Variants in SATL1 observed in about 807,000 individuals in gnomAD.
The protein encoded by SATL1 is spermidine/spermine N(1)-acetyltransferase-like protein 1.
SATL1 carries 47 observed loss-of-function variants against 51.8 expected under a neutral mutation model. The observed-to-expected ratio is 0.91, with a 90% CI of 0.72 to 1.16. The LOEUF is 1.16. Among genes scored for constraint, SATL1 ranks in the 50% most tolerant of loss-of-function variants. The pLI, the probability that SATL1 is intolerant of heterozygous loss-of-function variation, is 0.00. For synonymous variants in SATL1, 176 were observed against 182.4 expected (o/e 0.97, Z 0.28); for missense variants, 520 against 526.4 (o/e 0.99, Z 0.12).
chrX:85,113,591 T>A (rs1925310094), intron 2 of SATL1, among the ~76,000 whole-genome samples: 1 of 112,111 alleles, frequency 8.9e-6, no homozygotes, highest in African/African-American at 3.2e-5. Context: ...CTATATTTTT[T>A]AAACATAATT....
chrX:85,204,773 C>A (rs1462105671), intron 2 of SATL1, among the ~76,000 whole-genome samples: 2 of 111,784 alleles, frequency 1.8e-5, no homozygotes, highest in Non-Finnish European at 3.8e-5. Flanking sequence ...ATCTTAAATA[C>A]CCAATGCTTA....
chrX:85,140,145 A>T (rs769476174), intron 2 of SATL1, among the ~76,000 whole-genome samples: 2 of 110,606 alleles, frequency 1.8e-5, no homozygotes, highest in South Asian at 7.5e-4. Flanking sequence ...TTCCATTAAC[A>T]ATCTACACAT....
intron 2 of SATL1, among the ~76,000 whole-genome samples, chrX:85,119,645 A>G (rs1013109230): frequency 9.0e-6 from 1 of 111,286 alleles, no homozygotes; most frequent in Admixed American, 9.7e-5. Context: ...GACAATGCCT[A>G]GAAAAAGGCC....
In SATL1 at chrX:85,193,917, C is replaced by A. The variant is rs367596234; in HGVS notation, c.-313+30288G>T. Among the ~76,000 whole-genome samples the A allele has an allele frequency of 2.7e-5, 3 of 111,782 alleles. No individual in the cohort carries two copies. In the East Asian group the frequency reaches 8.5e-4, roughly 32 times the overall value. ...GCCACACTTTCTTTATACAATTTGT[C>A]GTTGGTGGGCATTTAGGTTGACTCT... On this transcript the variant is annotated intron_variant, in intron 2 of 7. Coordinates refer to ENST00000644105, the MANE Select transcript of SATL1 (RefSeq NM_001367857.2).
intron 1 of SATL1, among the ~76,000 whole-genome samples, chrX:85,229,387 C>T: frequency 1.8e-5 from 2 of 111,392 alleles, no homozygotes; most frequent in Middle Eastern, 9.3e-3. Context: ...GCAATTAATC[C>T]TTGATTAACA....
chrX:85,092,301 G>GT lies in SATL1; in HGVS notation c.*89dup. 1.0e-6 allele frequency: 1 copy of GT among 959,584 alleles called. No homozygotes were observed. The highest frequency in any genetic ancestry group is 1.4e-6 in the Non-Finnish European group (1 of 717,569). 79.1% of individuals were successfully genotyped at this position (959,584 alleles called of 1,213,427 possible). ...AACAAGAATGTGATGATCACTTGCT[G>GT]TATTGTACAACAAAGTCAAACTGCT... On this transcript the variant is annotated 3_prime_UTR_variant, in exon 8 of 8. Coordinates refer to ENST00000644105, the MANE Select transcript of SATL1 (RefSeq NM_001367857.2).
chrX:85,196,649 G>C (rs1434714017), intron 2 of SATL1, among the ~76,000 whole-genome samples: 1 of 111,834 alleles, frequency 8.9e-6, no homozygotes, highest in Non-Finnish European at 1.9e-5. Context: ...TAGACATATT[G>C]ATCAATGGAG....
chrX:85,162,658 A>G (rs941076477), intron 2 of SATL1, among the ~76,000 whole-genome samples: 6 of 111,418 alleles, frequency 5.4e-5, no homozygotes, highest in African/African-American at 2.0e-4. Context: ...CCCATTTAGT[A>G]TGATACTGGC....
chrX:85,202,675 A>G (rs1927710574), intron 2 of SATL1, among the ~76,000 whole-genome samples: 1 of 112,038 alleles, frequency 8.9e-6, no homozygotes, highest in African/African-American at 3.2e-5. Context: ...GTCAGCAATC[A>G]CTTAGTGCAG....
rs1569464434 is a variant in SATL1, at chrX:85,103,912, AT to A, written c.1644del (p.Glu548AspfsTer9). ...DCPEILRLIK[E>X]LAACENMLDA... ...TCTAGCATGTTTTCACAGGCAGCCA[AT>A]TCCTGTCAAAGTAGATAAAACCTTC... On this transcript the variant is annotated frameshift_variant and splice_region_variant, in exon 4 of 8. Transcript: ENST00000644105. LOFTEE classifies it high-confidence loss of function. The A allele has an allele frequency of 4.3e-6, 5 of 1,174,838 alleles. No homozygotes were observed. Among genetic ancestry groups the A allele is most frequent in the Non-Finnish European group, 5.8e-6 (5 of 863,359 alleles).
At chrX:85,121,517 G>T in intron 2 of SATL1, among the ~76,000 whole-genome samples, 1 of 104,149 alleles carries the variant, frequency 9.6e-6, no homozygotes, top group African/African-American at 3.5e-5. Flanking sequence ...ATACTAACAA[G>T]AAATAGCTAA....
At chrX:85,215,190 C>T (rs1928015920) in intron 2 of SATL1, among the ~76,000 whole-genome samples, 1 of 111,643 alleles carries the variant, frequency 9.0e-6, no homozygotes, top group African/African-American at 3.3e-5. Context: ...CTTTGAGCCA[C>T]AGCTGGAGCC....
intron 2 of SATL1, among the ~76,000 whole-genome samples, chrX:85,114,761 C>T (rs760326784): frequency 2.7e-5 from 3 of 112,229 alleles, no homozygotes; most frequent in Admixed American, 1.9e-4. Context: ...TTTACCTTTG[C>T]GTTAGTGTAC....
intron 1 of SATL1, among the ~76,000 whole-genome samples, chrX:85,224,684 C>T (rs1218932193): frequency 9.3e-6 from 1 of 107,482 alleles, no homozygotes; most frequent in East Asian, 2.9e-4. Context: ...AAAGTTTTTG[C>T]CTTTCTGATA....
intron 2 of SATL1, among the ~76,000 whole-genome samples, chrX:85,223,484 A>C (rs2147762027): frequency 9.0e-6 from 1 of 111,648 alleles, no homozygotes; most frequent in African/African-American, 3.2e-5. Flanking sequence ...CTGTCTCTAA[A>C]GTGAAGGGGT....
Position 85,105,767 on chromosome X carries a change from A to G in SATL1, c.1641+1561T>C, listed in dbSNP as rs759717447. On this transcript the variant is annotated intron_variant, in intron 3 of 7. Coordinates refer to ENST00000644105, the MANE Select transcript of SATL1 (RefSeq NM_001367857.2). The stretch of plus-strand genomic sequence containing the variant: ...TTTTGCAAACTTAGCAATGAACAGG[A>G]GTTAGGACAAATGGACATAAAATAT... Among the ~76,000 whole-genome samples the G allele has an allele frequency of 1.2e-4, 14 of 112,459 alleles. No individual in the cohort carries two copies. In the South Asian group the frequency reaches 5.1e-3, roughly 41 times the overall value.
At chrX:85,221,315 T>C (rs1928173756) in intron 2 of SATL1, among the ~76,000 whole-genome samples, 1 of 111,997 alleles carries the variant, frequency 8.9e-6, no homozygotes, top group African/African-American at 3.2e-5. Context: ...CACAATACTT[T>C]ACATGCAATC....
chrX:85,227,048 A>C (rs142422164), intron 1 of SATL1, among the ~76,000 whole-genome samples: 2 of 111,240 alleles, frequency 1.8e-5, no homozygotes, highest in African/African-American at 6.5e-5. Context: ...GCTTAAAGCC[A>C]GTCCTTTCCC....
At chrX:85,142,395 C>CAA (rs1212348825) in intron 2 of SATL1, among the ~76,000 whole-genome samples, 41 of 43,071 alleles carry the variant, frequency 9.5e-4, no homozygotes, top group African/African-American at 1.8e-3. Context: ...GACTCCATCT[C>CAA]AAAAAAAAAA....
Sources: allele counts gnomAD v4.1 joint callset (sites outside exome capture counted in the v4.1 genomes callset), GRCh38; gene constraint gnomAD v4.1.1; transcripts MANE v1.5; gene names NCBI Gene and HGNC (gene_info 2026-07-23, HGNC 2026-07-21).